Variants in RAB43 observed in about 807,000 individuals in gnomAD.
RAB43 encodes the protein ras-related protein Rab-43.
A neutral mutation model predicts 18.8 loss-of-function variants in RAB43; 6 were observed. The observed-to-expected ratio is 0.32, with a 90% CI of 0.17 to 0.63. The LOEUF (loss-of-function observed/expected upper bound fraction) is 0.63, where lower values mean the gene tolerates loss of function less well. Among genes scored for constraint, RAB43 ranks in the 30% least tolerant of loss-of-function variants. The pLI, the probability that RAB43 is intolerant of heterozygous loss-of-function variation, is 0.79. For missense variants in RAB43, 195 were observed against 289.1 expected, an observed-to-expected ratio of 0.67 and a Z score of 2.36; for synonymous variants, 103 against 124.1, an observed-to-expected ratio of 0.83 and a Z score of 1.13.
intron 1 of RAB43, among the ~76,000 whole-genome samples, chr3:129,119,852 CGA>C (rs1935795589): frequency 1.3e-5 from 2 of 152,152 alleles, no homozygotes; most frequent in Non-Finnish European, 2.9e-5. Flanking sequence ...AGACACAGAC[CGA>C]TAGCACATGA....
chr3:129,104,884 T>C (rs1427393520), intron 1 of RAB43, among the ~76,000 whole-genome samples: 1 of 152,174 alleles, frequency 6.6e-6, no homozygotes, highest in Non-Finnish European at 1.5e-5. Context: ...AGGACCCCAG[T>C]TCAAAAGTCT....
chr3:129,121,223 C>T (rs1010563713), intron 1 of RAB43, 63 bp downstream of exon 1: 6 of 1,424,314 alleles, frequency 4.2e-6, no homozygotes, highest in Non-Finnish European at 5.7e-6. Context: ...CGGCCAGGGG[C>T]TCCGCTGCCC....
chr3:129,121,153 C>T, intron 1 of RAB43, 133 bp downstream of exon 1: 1 of 738,992 alleles, frequency 1.4e-6, no homozygotes, highest in Non-Finnish European at 2.0e-6. Flanking sequence ...TGCTCCGACC[C>T]GAGGAAGGAA....
chr3:129,091,306 C>T lies in RAB43; in HGVS notation c.429G>A (p.Leu143=). Residue 143 remains leucine (L), a synonymous_variant, in exon 3 of 3, where the codon TTG becomes TTA. Coordinates refer to ENST00000315150, the MANE Select transcript of RAB43 (RefSeq NM_198490.3). ...SDLSELREVS[L]AEAQSLAEHY... is the part of the protein sequence containing the mutation. ...GCTCAGCCAGGCTCTGTGCCTCAGC[C>T]AAGGAGACCTCCCGAAGCTCGCTGA... 1 of 1,598,764 alleles carries T rather than the reference C, an allele frequency of 6.3e-7. No homozygotes were observed. The highest frequency in any genetic ancestry group is 8.5e-7 in the Non-Finnish European group (1 of 1,172,692).
rs149710060 is a variant in RAB43 at position 129,095,210 on chromosome 3, C to T, written c.205-41G>A. 5.8e-4 allele frequency: 926 copies of T among 1,594,546 alleles called. 6 individuals carry two copies. The African/African-American group carries it at 0.011, about 19-fold the overall frequency. ...TCCTCAGTGAACCCAGTGGCACAGGCTGAACATGGGGACAGGCAGAGTGAC... is the reference window on the plus strand; with the variant it reads ...TCCTCAGTGAACCCAGTGGCACAGGTTGAACATGGGGACAGGCAGAGTGAC... On this transcript the variant is annotated intron_variant, in intron 1 of 2. Coordinates refer to ENST00000315150, the MANE Select transcript of RAB43 (RefSeq NM_198490.3). The surrounding 1 kb of genome is among the most constrained non-coding windows in gnomAD (Gnocchi z 4.2).
At chr3:129,119,097 A>C (rs1935734179) in intron 1 of RAB43, among the ~76,000 whole-genome samples, 1 of 152,198 alleles carries the variant, frequency 6.6e-6, no homozygotes, top group African/African-American at 2.4e-5. Context: ...GACCTGTAAC[A>C]CCTCAAGTGG....
Position 129,091,214 on chromosome 3 carries a change from A to T in RAB43, c.521T>A (p.Leu174Gln). 1 of 1,592,020 alleles carries T rather than the reference A, an allele frequency of 6.3e-7. No homozygotes were observed. The highest frequency in any genetic ancestry group is 8.6e-7 in the Non-Finnish European group (1 of 1,166,992). ...CATGATGAGCTCCGTGGCCACCCTC[A>T]GGAAGGCCTCCTCCACGTTGCTCGA... ...KDSSNVEEAF[L>Q]RVATELIMRH... Residue 174 changes from leucine to glutamine, a missense_variant, in exon 3 of 3, where the codon CTG becomes CAG. Transcript: ENST00000315150.
chr3:129,105,528 C>G (rs1412697504), intron 1 of RAB43, among the ~76,000 whole-genome samples: 1 of 150,510 alleles, frequency 6.6e-6, no homozygotes, highest in Non-Finnish European at 1.5e-5. Flanking sequence ...TGCCTGTAAT[C>G]CCAGCACTTT....
chr3:129,111,120 T>G (rs1241489337), intron 1 of RAB43, among the ~76,000 whole-genome samples: 2 of 152,146 alleles, frequency 1.3e-5, no homozygotes, highest in Non-Finnish European at 2.9e-5. Context: ...GTCTCCTTTT[T>G]TCACTTCACA....
intron 1 of RAB43, among the ~76,000 whole-genome samples, chr3:129,100,816 C>CTT (rs368002425): frequency 2.0e-5 from 3 of 151,518 alleles, no homozygotes; most frequent in African/African-American, 7.3e-5. Flanking sequence ...TTCTGTTTTT[C>CTT]TTTTTTTTTG....
intron 1 of RAB43, among the ~76,000 whole-genome samples, chr3:129,113,860 C>T (rs151170409): frequency 1.7e-3 from 262 of 152,210 alleles, no homozygotes; most frequent in African/African-American, 5.9e-3. Context: ...CACCCCGTCT[C>T]TACTAAAAAT....
intron 1 of RAB43, among the ~76,000 whole-genome samples, chr3:129,098,713 G>T (rs536316807): frequency 6.6e-6 from 1 of 152,246 alleles, no homozygotes; most frequent in African/African-American, 2.4e-5. Flanking sequence ...ACGAATAGGG[G>T]ATTTAAGGAA....
intron 1 of RAB43, among the ~76,000 whole-genome samples, chr3:129,109,388 C>T (rs1376484590): frequency 7.0e-6 from 1 of 143,330 alleles, no homozygotes; most frequent in South Asian, 2.2e-4. Flanking sequence ...CCAGCCTGGG[C>T]GACAGAGCGA....
chr3:129,110,534 G>A (rs1249585759), intron 1 of RAB43, among the ~76,000 whole-genome samples: 1 of 152,196 alleles, frequency 6.6e-6, no homozygotes, highest in African/African-American at 2.4e-5. Context: ...GCAAGTAAGG[G>A]CATAATGTTG....
chr3:129,117,535 G>A (rs550839214), intron 1 of RAB43, among the ~76,000 whole-genome samples: 99 of 152,278 alleles, frequency 6.5e-4, no homozygotes, highest in African/African-American at 2.4e-3. Context: ...AAGCCTTACT[G>A]ACTCGTACAG....
At chr3:129,096,693 A>G (rs963918042) in intron 1 of RAB43, among the ~76,000 whole-genome samples, 8 of 152,272 alleles carry the variant, frequency 5.3e-5, no homozygotes, top group East Asian at 1.9e-4. Context: ...GCATTCAGAA[A>G]GAAAAAAGAG....
At chr3:129,091,374 G>C in intron 2 of RAB43, 28 bp from the exon 3 acceptor site, 1 of 1,595,216 alleles carries the variant, frequency 6.3e-7, no homozygotes, top group African/African-American at 1.3e-5. Flanking sequence ...GGCAGCATGA[G>C]GCCATGGGGG....
In RAB43 at chr3:129,107,431, C is replaced by T. The variant is rs1274064984; in HGVS notation, c.205-12262G>A. ...ACCTCTTCCGGGTATTCCTCTTCCT[C>T]GCAGGAAGCTAAGGGCATCCACGAC... is the stretch of plus-strand genomic sequence containing the variant. On this transcript the variant is annotated intron_variant, in intron 1 of 2. Coordinates refer to ENST00000315150, the MANE Select transcript of RAB43 (RefSeq NM_198490.3). This position sits in a 1 kb window ranked among gnomAD's most constrained non-coding sequence, Gnocchi z 4.2. Among the ~76,000 whole-genome samples, 2 of 152,032 alleles carry T rather than the reference C, an allele frequency of 1.3e-5. No homozygotes were observed. The highest frequency in any genetic ancestry group is 2.9e-5 in the Non-Finnish European group (2 of 68,018).
chr3:129,109,846 A>G (rs1224475512), intron 1 of RAB43, among the ~76,000 whole-genome samples: 1 of 151,920 alleles, frequency 6.6e-6, no homozygotes, highest in Non-Finnish European at 1.5e-5. Context: ...GGAGAAAGTA[A>G]AAGTGTGCTT....
Sources: gnomAD v4.1 joint callset for allele counts (sites outside exome capture counted in the v4.1 genomes callset) on GRCh38, gnomAD v4.1.1 for gene constraint, Gnocchi (gnomAD v3.1) non-coding constraint, MANE v1.5 for transcripts, NCBI Gene and HGNC (gene_info 2026-07-23, HGNC 2026-07-21) for gene names.